Variants in MXRA7 observed in about 807,000 individuals in gnomAD.
MXRA7 encodes matrix remodeling associated 7.
MXRA7 carries 18 observed loss-of-function variants against 17.4 expected under a neutral mutation model. The observed-to-expected ratio is 1.03, with a 90% CI of 0.71 to 1.53. MXRA7 has a LOEUF of 1.53. Among genes scored for constraint, MXRA7 ranks in the 40% most tolerant of loss-of-function variants. The pLI is 0.00. For synonymous variants in MXRA7, 70 were observed against 101.7 expected, an observed-to-expected ratio of 0.69 and a Z score of 1.87; for missense variants, 141 against 209.3, an observed-to-expected ratio of 0.67 and a Z score of 2.01.
chr17:76,685,619 A>G (rs1332740434), intron 2 of MXRA7, among the ~76,000 whole-genome samples: 1 of 152,238 alleles, frequency 6.6e-6, no homozygotes, highest in Non-Finnish European at 1.5e-5. Context: ...GGCAGCCCAC[A>G]GTGGCCAGGC....
At chr17:76,683,955 C>T in intron 3 of MXRA7, 1 of 1,583,834 alleles carries the variant, frequency 6.3e-7, no homozygotes, top group East Asian at 2.2e-5. Flanking sequence ...CAAACCTGGT[C>T]ATGCCAAGCG....
chr17:76,680,950 G>A, intron 3 of MXRA7, 71 bp from the exon 4 acceptor site: 4 of 1,222,880 alleles, frequency 3.3e-6, no homozygotes, highest in Non-Finnish European at 4.7e-6. Flanking sequence ...GGCAAGGAAA[G>A]GGGGAAATGG....
chr17:76,704,704 G>A (rs1448862316), intron 1 of MXRA7, among the ~76,000 whole-genome samples: 1 of 145,540 alleles, frequency 6.9e-6, no homozygotes, highest in Admixed American at 7.1e-5. Flanking sequence ...AATACTGCTT[G>A]AACCCAGGAG....
chr17:76,701,463 C>T (rs1412472407), intron 1 of MXRA7, among the ~76,000 whole-genome samples: 1 of 151,916 alleles, frequency 6.6e-6, no homozygotes, highest in Non-Finnish European at 1.5e-5. Flanking sequence ...AACCCACAGG[C>T]CAGGGAGCTC....
chr17:76,693,245 G>A (rs1295362188), intron 1 of MXRA7, among the ~76,000 whole-genome samples: 7 of 152,002 alleles, frequency 4.6e-5, no homozygotes, highest in Non-Finnish European at 8.8e-5. Context: ...CGAGGCGGAT[G>A]GATCACGAGG....
downstream of MXRA7, chr17:76,677,588 C>T (rs959366176): frequency 6.2e-7 from 1 of 1,607,588 alleles, no homozygotes; most frequent in African/African-American, 1.3e-5. Context: ...TGGGCGCAGT[C>T]TACATGTCGT....
chr17:76,674,249 T>C (rs1311191248), exon 4 of MXRA7: 1 of 152,204 alleles, frequency 6.6e-6, no homozygotes, highest in Admixed American at 6.5e-5. Context: ...GTAGACATCT[T>C]TCTCTCGGTG....
chr17:76,674,268 C>T (rs1459890262), exon 4 of MXRA7: 1 of 152,136 alleles, frequency 6.6e-6, no homozygotes, highest in Non-Finnish European at 1.5e-5. Flanking sequence ...TGTTTGCGCT[C>T]TTTCTCCCAC....
intron 1 of MXRA7, among the ~76,000 whole-genome samples, chr17:76,705,124 A>G (rs769512770): frequency 1.2e-4 from 18 of 152,212 alleles, no homozygotes; most frequent in Non-Finnish European, 1.9e-4. Context: ...TTCTCAAGAC[A>G]TATTCTTTAA....
At chr17:76,703,684 C>G (rs912355389) in intron 1 of MXRA7, 1 of 150,920 alleles carries the variant, frequency 6.6e-6, no homozygotes. Flanking sequence ...TTTAGTGACA[C>G]TAATGTTAAC....
chr17:76,678,607 C>T (rs958995295), downstream of MXRA7, among the ~76,000 whole-genome samples: 22 of 152,208 alleles, frequency 1.4e-4, no homozygotes, highest in Admixed American at 3.3e-4. Flanking sequence ...ACACCACGGG[C>T]TCAGTGCCTT....
intron 1 of MXRA7, chr17:76,689,574 G>GAGGGCAGGCC (rs2143628127): frequency 6.6e-6 from 1 of 152,360 alleles, no homozygotes; most frequent in African/African-American, 2.4e-5. Context: ...TGAGGTCGGA[G>GAGGGCAGGCC]TGGGCAGGCC....
intron 1 of MXRA7, among the ~76,000 whole-genome samples, chr17:76,704,911 G>A (rs1481168512): frequency 6.6e-6 from 1 of 152,062 alleles, no homozygotes; most frequent in Non-Finnish European, 1.5e-5. Flanking sequence ...GCCCAGTGTG[G>A]CCAAACGCAG....
chr17:76,685,248 A>G, intron 2 of MXRA7, 83 bp from the exon 3 acceptor site: 1 of 983,870 alleles, frequency 1.0e-6, no homozygotes, highest in Non-Finnish European at 1.6e-6. Flanking sequence ...CTAGGTTTAA[A>G]AAGAAACACC....
At chr17:76,706,683 G>A (rs937068451) in intron 1 of MXRA7, among the ~76,000 whole-genome samples, 1 of 135,360 alleles carries the variant, frequency 7.4e-6, no homozygotes, top group Non-Finnish European at 1.7e-5. Flanking sequence ...AAGTCACATG[G>A]TTAAGACAGA....
intron 1 of MXRA7, among the ~76,000 whole-genome samples, chr17:76,700,994 G>C (rs867103277): frequency 1.3e-5 from 2 of 152,102 alleles, no homozygotes; most frequent in African/African-American, 4.8e-5. Context: ...CTGTGGCTGT[G>C]GGGGGCTGGG....
At chr17:76,701,125 G>C (rs2076586559) in intron 1 of MXRA7, among the ~76,000 whole-genome samples, 1 of 152,042 alleles carries the variant, frequency 6.6e-6, no homozygotes, top group Non-Finnish European at 1.5e-5. Flanking sequence ...AGGTCATGCT[G>C]GTTGCTGGAA....
downstream of MXRA7, chr17:76,677,074 C>T (rs192730585): frequency 6.5e-6 from 1 of 153,744 alleles, no homozygotes; most frequent in Admixed American, 6.5e-5. Context: ...GGGCGGATCA[C>T]CTGAGGTCAG....
intron 2 of MXRA7, among the ~76,000 whole-genome samples, chr17:76,686,512 A>T (rs772428263): frequency 6.6e-6 from 1 of 152,022 alleles, no homozygotes; most frequent in Non-Finnish European, 1.5e-5. Flanking sequence ...AAACATACAA[A>T]ATCCTGCCTT....
Sources: gnomAD v4.1 joint callset for allele counts (sites outside exome capture counted in the v4.1 genomes callset) on GRCh38, gnomAD v4.1.1 for gene constraint, MANE v1.5 for transcripts, NCBI Gene and HGNC (gene_info 2026-07-23, HGNC 2026-07-21) for gene names.